ZNF599: variants seen among roughly 807,000 people sequenced by gnomAD.
ZNF599 encodes zinc finger protein 599.
In ZNF599, 10 loss-of-function variants were observed where a neutral mutation model predicts 11.7. The observed-to-expected ratio is 0.86, with a 90% CI of 0.53 to 1.45. The LOEUF (loss-of-function observed/expected upper bound fraction) is 1.45. Among genes scored for constraint, ZNF599 ranks in the 40% most tolerant of loss-of-function variants. The probability of loss-of-function intolerance (pLI) is 0.00; values close to 1 mark genes in which losing one functional copy is unlikely to be tolerated. For missense variants in ZNF599, 688 were observed against 713.6 expected (o/e 0.96, Z 0.41); for synonymous variants, 232 against 253.2 (o/e 0.92, Z 0.79).
rs1182413182 is a variant in ZNF599 at position 34,765,471 on chromosome 19, T to C, written c.241+1845A>G. On this transcript the variant is annotated intron_variant, in intron 3 of 3. Coordinates refer to ENST00000329285, the MANE Select transcript of ZNF599 (RefSeq NM_001007248.3). The stretch of plus-strand genomic sequence containing the variant: ...TGTGCCTGGACTCCCAATCCATAGG[T>C]GGGAGATAATAAATAAGTGATGTTT... 3 of 672,206 alleles carry C rather than the reference T, an allele frequency of 4.5e-6. No individual in the cohort carries two copies. In the African/African-American group the frequency reaches 5.3e-5, roughly 12 times the overall value. The allele number at this position is 672,206 out of a possible 1,614,324, so 41.6% of individuals were successfully genotyped here.
chr19:34,777,509 T>A (rs185817118), upstream of ZNF599, among the ~76,000 whole-genome samples: 1,490 of 112,166 alleles, frequency 0.013, 36 homozygotes, highest in South Asian at 0.078. Flanking sequence ...ATTAATATAT[T>A]ATATATTAAT....
In ZNF599 at chr19:34,758,406, ACAC is replaced by A. The variant is rs2069085184; in HGVS notation, c.*625_*627del. 6.6e-6 allele frequency: 1 copy of A among 152,272 alleles called. No individual in the cohort carries two copies. The highest frequency in any genetic ancestry group is 1.5e-5 in the Non-Finnish European group (1 of 68,088). 9.4% of individuals were successfully genotyped at this position (152,272 alleles called of 1,614,324 possible). On this transcript the variant is annotated 3_prime_UTR_variant, in exon 4 of 4. Transcript: ENST00000329285. ...AAGCCTTTATATTTCTCACAAAGACACACTCCCTCAAGGGTAGAGATGACAGTT... is the reference window on the plus strand; with the variant it reads ...AAGCCTTTATATTTCTCACAAAGACATCCCTCAAGGGTAGAGATGACAGTT...
Position 34,759,251 on chromosome 19 carries a change from G to A in ZNF599, c.1550C>T (p.Thr517Ile). The change falls in exon 4 of 4, where the codon ACC (threonine) becomes ATC (isoleucine). Residue 517 changes from threonine to isoleucine, a missense_variant. Transcript: ENST00000329285. ...YVCRECGKAF[T>I]QPANFVRHNR... ...ATGCCGAACAAAATTTGCAGGTTGG[G>A]TAAAAGCCTTTCCACATTCTCTACA... 1 of 1,614,154 alleles carries A rather than the reference G, an allele frequency of 6.2e-7. No individual in the cohort carries two copies. Among genetic ancestry groups the A allele is most frequent in the Admixed American group, 1.7e-5 (1 of 60,024 alleles).
Position 34,760,236 on chromosome 19 carries a change from CT to C in ZNF599, c.564del (p.Asp189ThrfsTer3), listed in dbSNP as rs571541043. 1 of 1,614,122 alleles carries C rather than the reference CT, an allele frequency of 6.2e-7. No individual in the cohort carries two copies. ...LHECDSQGPG[K>X]DPMTDARNNP... ...TTATTCCTTGCATCAGTCATGGGGT[CT>C]TTTCCTGGTCCTTGAGAGTCACACT... is the stretch of plus-strand genomic sequence containing the variant. On this transcript the variant is annotated frameshift_variant, in exon 4 of 4. Transcript: ENST00000329285. LOFTEE classifies it low-confidence loss of function (END_TRUNC).
At chr19:34,769,330 G>C in intron 2 of ZNF599, 99 bp downstream of exon 2, 1 of 1,542,816 alleles carries the variant, frequency 6.5e-7, no homozygotes, top group South Asian at 1.1e-5. Flanking sequence ...CAGGGATCAG[G>C]GAAGGTTGGG....
chr19:34,792,586 A>G, the ZNF599 span, among the ~76,000 whole-genome samples: 1 of 152,196 alleles, frequency 6.6e-6, no homozygotes, highest in East Asian at 1.9e-4. Flanking sequence ...GTGAGGGGCC[A>G]GGTGCGGTGG....
At chr19:34,785,788 G>C in the ZNF599 span, among the ~76,000 whole-genome samples, 39 of 152,264 alleles carry the variant, frequency 2.6e-4, 1 homozygote, top group Non-Finnish European at 8.8e-5. Flanking sequence ...TGTGCTGTGG[G>C]GGGTGTGCCC....
the ZNF599 span, among the ~76,000 whole-genome samples, chr19:34,802,010 C>T: frequency 6.6e-6 from 1 of 152,202 alleles, no homozygotes; most frequent in East Asian, 1.9e-4. Context: ...GAAAGGGCCT[C>T]AGGGGGCTCT....
chr19:34,789,887 G>T, the ZNF599 span, among the ~76,000 whole-genome samples: 4 of 152,048 alleles, frequency 2.6e-5, no homozygotes, highest in African/African-American at 9.7e-5. Flanking sequence ...TGCTTTTGTT[G>T]CTTGTACTTT....
rs1342247995 is a variant in ZNF599 at position 34,758,074 on chromosome 19, G to A, written c.*960C>T. The A allele has an allele frequency of 2.0e-5, 3 of 151,960 alleles. No homozygotes were observed. The highest frequency in any genetic ancestry group is 7.2e-5 in the African/African-American group (3 of 41,394). 9.4% of individuals were successfully genotyped at this position (151,960 alleles called of 1,614,324 possible). A position where few individuals can be genotyped will look rare whatever the true frequency, so the allele number is the denominator to read the frequency against. On this transcript the variant is annotated 3_prime_UTR_variant, in exon 4 of 4. Coordinates refer to ENST00000329285, the MANE Select transcript of ZNF599 (RefSeq NM_001007248.3). ...TATACTGAGTACATTACACAAACAT[G>A]CTATAATTAAAATATTTTTATTATA...
chr19:34,797,367 T>C, the ZNF599 span, among the ~76,000 whole-genome samples: 26 of 152,106 alleles, frequency 1.7e-4, no homozygotes, highest in Admixed American at 4.6e-4. Context: ...TTTCTATTTC[T>C]AGATCCCTGA....
the ZNF599 span, among the ~76,000 whole-genome samples, chr19:34,797,384 G>A: frequency 1.3e-5 from 2 of 151,978 alleles, no homozygotes; most frequent in Admixed American, 6.6e-5. Context: ...CTGAGGAATC[G>A]CCACACTGAC....
At chr19:34,768,971 C>T (rs757764507) in intron 2 of ZNF599, among the ~76,000 whole-genome samples, 9 of 152,194 alleles carry the variant, frequency 5.9e-5, no homozygotes, top group Non-Finnish European at 1.2e-4. Context: ...GTTAACTGTG[C>T]AGGTGCTAGG....
intron 1 of ZNF599, among the ~76,000 whole-genome samples, chr19:34,771,530 G>A (rs915973322): frequency 1.3e-5 from 2 of 152,196 alleles, no homozygotes; most frequent in African/African-American, 2.4e-5. Context: ...CACCCTAGGA[G>A]AGCTCAATGC....
the ZNF599 span, among the ~76,000 whole-genome samples, chr19:34,791,237 TCAA>T: frequency 6.6e-6 from 1 of 152,224 alleles, no homozygotes; most frequent in Admixed American, 6.5e-5. Flanking sequence ...CCAGTTTTTG[TCAA>T]CAGAGTGGCA....
intron 3 of ZNF599, chr19:34,765,564 A>G: frequency 1.4e-6 from 1 of 702,960 alleles, no homozygotes; most frequent in Admixed American, 2.0e-5. Flanking sequence ...CTGAGAAGGC[A>G]GAAAGTGTAA....
chr19:34,760,203 T>C lies in ZNF599; in HGVS notation c.598A>G (p.Thr200Ala), dbSNP rs777322613. The C allele has an allele frequency of 1.2e-6, 2 of 1,614,184 alleles. No homozygotes were observed. Among genetic ancestry groups the C allele is most frequent in the Non-Finnish European group, 1.7e-6 (2 of 1,180,016 alleles). Residue 200 changes from threonine (T) to alanine (A), a missense_variant, in exon 4 of 4, where the codon ACA (threonine) becomes GCA (alanine). Coordinates refer to ENST00000329285, the MANE Select transcript of ZNF599 (RefSeq NM_001007248.3). Reference sequence around the variant, plus strand: ...AACCCTTTCCCACATTCCGTGCATGTGTAAGGGTTATTCCTTGCATCAGTC... The same window carrying C: ...AACCCTTTCCCACATTCCGTGCATGCGTAAGGGTTATTCCTTGCATCAGTC... ...PMTDARNNPY[T>A]CTECGKGFSK...
At chr19:34,772,350 G>C (rs143841655) in intron 1 of ZNF599, 1,639 of 993,694 alleles carry the variant, frequency 1.6e-3, no homozygotes, top group Admixed American at 1.9e-3. Context: ...TGCCCTCGAG[G>C]CTCTCATTCC....
At chr19:34,767,079 T>C in intron 3 of ZNF599, 1 of 461,610 alleles carries the variant, frequency 2.2e-6, no homozygotes, top group Non-Finnish European at 3.9e-6. Flanking sequence ...TCCAGAGTCA[T>C]GAGGCTAGTG....
Sources: allele counts gnomAD v4.1 joint callset (sites outside exome capture counted in the v4.1 genomes callset), GRCh38; gene constraint gnomAD v4.1.1; transcripts MANE v1.5; gene names NCBI Gene and HGNC (gene_info 2026-07-23, HGNC 2026-07-21).